The following SLC8A1 variants were observed in gnomAD, a reference collection of about 807,000 sequenced individuals.
SLC8A1 encodes sodium/calcium exchanger 1.
In SLC8A1, 18 loss-of-function variants were observed where a neutral mutation model predicts 68.3. That is an observed-to-expected ratio of 0.26 (90% CI 0.18 to 0.39). The LOEUF (loss-of-function observed/expected upper bound fraction) is 0.39, where lower values mean the gene tolerates loss of function less well. SLC8A1 is among the 10% of genes least tolerant of loss of function. The pLI is 1.00. For synonymous variants in SLC8A1, 475 were observed against 415.5 expected, an observed-to-expected ratio of 1.14 and a Z score of -1.74; for missense variants, 985 against 1,156.7, an observed-to-expected ratio of 0.85 and a Z score of 2.15.
intron 2 of SLC8A1, among the ~76,000 whole-genome samples, chr2:40,427,698 C>T (rs1026920281): frequency 1.3e-5 from 2 of 152,118 alleles, no homozygotes; most frequent in African/African-American, 4.8e-5. Flanking sequence ...TAAAGTACCA[C>T]GAGGAAGAAT....
chr2:40,272,564 G>A (rs1451093857), intron 2 of SLC8A1, among the ~76,000 whole-genome samples: 1 of 152,164 alleles, frequency 6.6e-6, no homozygotes, highest in African/African-American at 2.4e-5. Context: ...CTGAGGACTG[G>A]GTCAGGTCCC....
chr2:40,277,894 C>A (rs2066979295), intron 2 of SLC8A1, among the ~76,000 whole-genome samples: 1 of 146,728 alleles, frequency 6.8e-6, no homozygotes, highest in African/African-American at 2.5e-5. Context: ...AGCTTTACAT[C>A]TAAAATGTAT....
chr2:40,286,601 G>A (rs955301657), intron 2 of SLC8A1, among the ~76,000 whole-genome samples: 3 of 152,144 alleles, frequency 2.0e-5, no homozygotes, highest in African/African-American at 7.2e-5. Context: ...AAGGCAACTG[G>A]ACTAAAGGCC....
intron 2 of SLC8A1, among the ~76,000 whole-genome samples, chr2:40,399,830 C>T (rs1251914568): frequency 1.3e-5 from 2 of 152,082 alleles, no homozygotes; most frequent in Non-Finnish European, 2.9e-5. Context: ...CCTCATATTG[C>T]CTTATGCCCA....
At chr2:40,441,448 C>G (rs200167820) in intron 1 of SLC8A1, among the ~76,000 whole-genome samples, 33 of 150,886 alleles carry the variant, frequency 2.2e-4, no homozygotes, top group Non-Finnish European at 2.2e-4. Context: ...AGAGCCTGTA[C>G]AGCCAAGACA....
intron 1 of SLC8A1, among the ~76,000 whole-genome samples, chr2:40,475,615 C>T (rs1704247129): frequency 6.6e-6 from 1 of 151,842 alleles, no homozygotes; most frequent in African/African-American, 2.4e-5. Flanking sequence ...TGTACATGTA[C>T]ATATACATAC....
intron 2 of SLC8A1, among the ~76,000 whole-genome samples, chr2:40,253,143 GTATATA>G (rs1260732175): frequency 1.8e-5 from 2 of 110,138 alleles, no homozygotes; most frequent in South Asian, 4.8e-4. Context: ...ATATGTATAT[GTATATA>G]CATACATATA....
intron 2 of SLC8A1, among the ~76,000 whole-genome samples, chr2:40,238,149 G>T (rs1272078538): frequency 6.6e-6 from 1 of 152,180 alleles, no homozygotes; most frequent in Non-Finnish European, 1.5e-5. Context: ...CGAGCTTCCC[G>T]GCTGCTTTGT....
intron 3 of SLC8A1, among the ~76,000 whole-genome samples, chr2:40,176,375 C>G (rs565763499): frequency 3.2e-4 from 49 of 152,272 alleles, no homozygotes; most frequent in African/African-American, 1.1e-3. Context: ...GATGCTCCTC[C>G]TTGAGATAAA....
chr2:40,491,977 G>C (rs1163109497), intron 1 of SLC8A1, among the ~76,000 whole-genome samples: 1 of 152,046 alleles, frequency 6.6e-6, no homozygotes, highest in African/African-American at 2.4e-5. Flanking sequence ...TTTCTTCACA[G>C]AATTGGAAAA....
At chr2:40,298,534 T>A (rs1181668829) in intron 2 of SLC8A1, among the ~76,000 whole-genome samples, 3 of 152,272 alleles carry the variant, frequency 2.0e-5, no homozygotes, top group African/African-American at 7.2e-5. Flanking sequence ...GGAAAAATAA[T>A]ACGTAACAAA....
intron 7 of SLC8A1, among the ~76,000 whole-genome samples, chr2:40,137,269 G>GAAT (rs1320106167): frequency 5.9e-5 from 9 of 152,170 alleles, no homozygotes; most frequent in African/African-American, 2.2e-4. Flanking sequence ...TTGGATAAGA[G>GAAT]GTATTGGGGA....
intron 7 of SLC8A1, among the ~76,000 whole-genome samples, chr2:40,125,925 T>C (rs2037990399): frequency 6.6e-6 from 1 of 152,218 alleles, no homozygotes; most frequent in African/African-American, 2.4e-5. Flanking sequence ...TATAGATTCT[T>C]GTAATTTTCA....
chr2:40,218,592 G>A (rs1221376634), intron 2 of SLC8A1, among the ~76,000 whole-genome samples: 2 of 151,772 alleles, frequency 1.3e-5, no homozygotes, highest in African/African-American at 4.8e-5. Flanking sequence ...ATCGTATATG[G>A]AATTTTCTGT....
chr2:40,379,427 T>A (rs1435801619), intron 2 of SLC8A1, among the ~76,000 whole-genome samples: 1 of 152,120 alleles, frequency 6.6e-6, no homozygotes, highest in East Asian at 1.9e-4. Flanking sequence ...AATAAGATGA[T>A]ACTTAAATTT....
chr2:40,274,930 C>T (rs1433042375), intron 2 of SLC8A1, among the ~76,000 whole-genome samples: 2 of 152,050 alleles, frequency 1.3e-5, no homozygotes, highest in African/African-American at 4.8e-5. Flanking sequence ...TATATAGATA[C>T]AAAATTATAA....
intron 7 of SLC8A1, among the ~76,000 whole-genome samples, chr2:40,124,706 G>A (rs977318318): frequency 6.6e-6 from 1 of 152,098 alleles, no homozygotes; most frequent in Admixed American, 6.5e-5. Context: ...TTTATATCAG[G>A]GATTGGAGCA....
At chr2:40,217,996 G>A (rs2057750781) in intron 2 of SLC8A1, among the ~76,000 whole-genome samples, 2 of 152,092 alleles carry the variant, frequency 1.3e-5, no homozygotes, top group African/African-American at 4.8e-5. Flanking sequence ...AGGCCTACAG[G>A]ACCAATATTA....
At chr2:40,404,941 T>C (rs575293604) in intron 2 of SLC8A1, among the ~76,000 whole-genome samples, 2 of 152,282 alleles carry the variant, frequency 1.3e-5, no homozygotes, top group East Asian at 3.9e-4. Flanking sequence ...TTGTGGGTAA[T>C]AGCAATTATT....
Sources: allele counts gnomAD v4.1 joint callset (sites outside exome capture counted in the v4.1 genomes callset), GRCh38; gene constraint gnomAD v4.1.1; transcripts MANE v1.5; gene names NCBI Gene and HGNC (gene_info 2026-07-23, HGNC 2026-07-21).